The following MAP6 variants were observed in gnomAD, a reference collection of about 807,000 sequenced individuals.
MAP6 encodes the protein microtubule-associated protein 6.
MAP6 carries 26 observed loss-of-function variants against 42.4 expected under a neutral mutation model. The ratio of observed to expected loss-of-function variants is 0.61; its 90% CI spans 0.45 to 0.85. The LOEUF (loss-of-function observed/expected upper bound fraction) is 0.85, where lower values mean the gene tolerates loss of function less well. Ranked by LOEUF, MAP6 falls within the 40% of genes least tolerant of loss-of-function variation. The probability of loss-of-function intolerance (pLI) is 0.00; values close to 1 mark genes in which losing one functional copy is unlikely to be tolerated. For synonymous variants in MAP6, 418 were observed against 443.8 expected (o/e 0.94, Z 0.73); for missense variants, 966 against 1,099.0 (o/e 0.88, Z 1.71).
intron 1 of MAP6, among the ~76,000 whole-genome samples, chr11:75,612,000 G>T (rs1365657231): frequency 6.6e-6 from 1 of 152,266 alleles, no homozygotes; most frequent in Non-Finnish European, 1.5e-5. Flanking sequence ...TGCTCGGCCT[G>T]CCCTCACTGG....
intron 1 of MAP6, among the ~76,000 whole-genome samples, chr11:75,646,093 C>T (rs1193385452): frequency 6.6e-6 from 1 of 151,636 alleles, no homozygotes; most frequent in Non-Finnish European, 1.5e-5. Flanking sequence ...TACTTAGATG[C>T]ATAATAGTGA....
At chr11:75,643,193 T>TA (rs1204128298) in intron 1 of MAP6, among the ~76,000 whole-genome samples, 2 of 151,118 alleles carry the variant, frequency 1.3e-5, no homozygotes, top group African/African-American at 4.8e-5. Flanking sequence ...ACTATGTTAC[T>TA]AAAATTTATT....
At chr11:75,627,965 C>G (rs1190501648) in intron 1 of MAP6, among the ~76,000 whole-genome samples, 2 of 152,144 alleles carry the variant, frequency 1.3e-5, no homozygotes, top group Admixed American at 6.5e-5. Flanking sequence ...GGCAAGAGCT[C>G]TGTGTGCTGT....
chr11:75,627,762 G>T (rs1354214286), intron 1 of MAP6, among the ~76,000 whole-genome samples: 1 of 152,140 alleles, frequency 6.6e-6, no homozygotes, highest in Admixed American at 6.5e-5. Flanking sequence ...AGCTCAGGGG[G>T]TTCCGTGTCT....
At chr11:75,664,186 T>C (rs901327182) in intron 1 of MAP6, among the ~76,000 whole-genome samples, 1 of 152,240 alleles carries the variant, frequency 6.6e-6, no homozygotes, top group Admixed American at 6.5e-5. Context: ...AGTTTTACAA[T>C]ATCATCTATG....
At position 75,587,539 on chromosome 11, in the gene MAP6, G is replaced by A; in HGVS notation, c.1962C>T (p.Ala654=). The change falls in exon 4 of 4, where the codon GCC becomes GCT. Residue 654 remains alanine, a synonymous_variant. Transcript: ENST00000304771. ...PEHPKDESAM[A]TAPIKNQGSM... The stretch of plus-strand genomic sequence containing the variant: ...AACCTTGATTCTTTATGGGTGCTGT[G>A]GCCATGGCACTTTCATCCTTCGGAT... 1 of 1,614,124 alleles carries A rather than the reference G, an allele frequency of 6.2e-7. No homozygotes were observed. Among genetic ancestry groups the A allele is most frequent in the Non-Finnish European group, 8.5e-7 (1 of 1,180,030 alleles).
At position 75,646,603 on chromosome 11, in the gene MAP6, G is replaced by A. The variant is rs142476331; in HGVS notation, c.905+20862C>T. ...GCGGATCACCTGAGGTTGGGAGTTC[G>A]AGGCCAGCCTGACATGGAGAAATCC... On this transcript the variant is annotated intron_variant, in intron 1 of 3. Coordinates refer to ENST00000304771, the MANE Select transcript of MAP6 (RefSeq NM_033063.2). Among the ~76,000 whole-genome samples the A allele has an allele frequency of 9.2e-3, 1,385 of 151,056 alleles. 25 individuals are homozygous for A. Among genetic ancestry groups the A allele is most frequent in the African/African-American group, 0.031 (1,283 of 41,062 alleles).
chr11:75,628,327 A>G (rs892529204), intron 1 of MAP6, among the ~76,000 whole-genome samples: 1 of 152,096 alleles, frequency 6.6e-6, no homozygotes, highest in Non-Finnish European at 1.5e-5. Context: ...TTATCAAGGG[A>G]CTGTGGTATG....
intron 3 of MAP6, among the ~76,000 whole-genome samples, chr11:75,592,592 A>G (rs1942500942): frequency 6.6e-6 from 1 of 151,696 alleles, no homozygotes; most frequent in South Asian, 2.1e-4. Flanking sequence ...ACCACCTGCT[A>G]TGCCATCATC....
rs781705676 is a variant in MAP6, at chr11:75,605,779, G to A, written c.1316+29C>T. On this transcript the variant is annotated intron_variant, in intron 3 of 3. Coordinates refer to ENST00000304771, the MANE Select transcript of MAP6 (RefSeq NM_033063.2). ...GTTGGGGGGAGGGAGAGAGAGAGAA[G>A]AGTAAAAGGAAAGTGCAGGGAAATT... 3.7e-6 allele frequency: 6 copies of A among 1,609,106 alleles called. No individual in the cohort carries two copies. The African/African-American group carries it at 8.0e-5, about 22-fold the overall frequency.
chr11:75,651,605 T>G (rs912652546), intron 1 of MAP6, among the ~76,000 whole-genome samples: 3 of 152,230 alleles, frequency 2.0e-5, no homozygotes, highest in African/African-American at 7.2e-5. Context: ...TAATAGTATT[T>G]CACAATGGTG....
At chr11:75,600,649 C>T (rs951021465) in intron 3 of MAP6, among the ~76,000 whole-genome samples, 7 of 152,172 alleles carry the variant, frequency 4.6e-5, no homozygotes, top group East Asian at 1.9e-4. Context: ...CTTGCTTTAA[C>T]GCAGATGGTT....
intron 1 of MAP6, among the ~76,000 whole-genome samples, chr11:75,625,794 G>A (rs1447138370): frequency 6.6e-6 from 1 of 152,154 alleles, no homozygotes; most frequent in African/African-American, 2.4e-5. Flanking sequence ...AGTACCAGAA[G>A]GGAGGCACAC....
chr11:75,629,363 C>T (rs1272658695), intron 1 of MAP6, among the ~76,000 whole-genome samples: 1 of 151,824 alleles, frequency 6.6e-6, no homozygotes, highest in Non-Finnish European at 1.5e-5. Context: ...GCTGGGATTA[C>T]AGGCATGAGC....
chr11:75,650,265 T>A (rs915540855), intron 1 of MAP6, among the ~76,000 whole-genome samples: 8 of 152,170 alleles, frequency 5.3e-5, no homozygotes, highest in African/African-American at 1.9e-4. Context: ...TAGGGTCACA[T>A]AGGAGGCAAA....
chr11:75,588,459 GGCAGTACTGTA>G (rs1942408498), intron 3 of MAP6, among the ~76,000 whole-genome samples: 1 of 152,158 alleles, frequency 6.6e-6, no homozygotes, highest in Non-Finnish European at 1.5e-5. Context: ...TGGTGACAAT[GGCAGTACTGTA>G]GCTGGACTCG....
chr11:75,619,159 AGT>A (rs1008424144), intron 1 of MAP6, among the ~76,000 whole-genome samples: 6 of 152,160 alleles, frequency 3.9e-5, no homozygotes, highest in African/African-American at 1.4e-4. Context: ...CATGCATGTT[AGT>A]GTGTGTCTTT....
In MAP6 at chr11:75,603,174, G is replaced by A. The variant is rs879721377; in HGVS notation, c.1316+2634C>T. 9.1e-6 allele frequency: 9 copies of A among 985,510 alleles called. 1 individual carries two copies. Among genetic ancestry groups the A allele is most frequent in the South Asian group, 9.4e-5 (2 of 21,288 alleles). 61.0% of individuals were successfully genotyped at this position (985,510 alleles called of 1,614,324 possible). Reference sequence around the variant, plus strand: ...ACAGATTGCTGAGGGAAGCCAATGCGCAGCTCTTGGGGCTGCTTTTGCAGG... The same window carrying A: ...ACAGATTGCTGAGGGAAGCCAATGCACAGCTCTTGGGGCTGCTTTTGCAGG... On this transcript the variant is annotated intron_variant, in intron 3 of 3. Coordinates refer to ENST00000304771, the MANE Select transcript of MAP6 (RefSeq NM_033063.2).
intron 1 of MAP6, among the ~76,000 whole-genome samples, chr11:75,649,694 CCA>C (rs900920401): frequency 2.0e-5 from 3 of 152,028 alleles, no homozygotes; most frequent in Non-Finnish European, 2.9e-5. Context: ...ACGCGCACCA[CCA>C]CACACAGCTA....
Sources: allele counts gnomAD v4.1 joint callset (sites outside exome capture counted in the v4.1 genomes callset), GRCh38; gene constraint gnomAD v4.1.1; transcripts MANE v1.5; gene names NCBI Gene and HGNC (gene_info 2026-07-23, HGNC 2026-07-21).